CCDC30: variants seen among roughly 807,000 people sequenced by gnomAD.
CCDC30 encodes the protein coiled-coil domain-containing protein 30.
A neutral mutation model predicts 100.2 loss-of-function variants in CCDC30; 70 were observed. The ratio of observed to expected loss-of-function variants is 0.70; its 90% CI spans 0.58 to 0.85. CCDC30 has a LOEUF of 0.85. Ranked by LOEUF, CCDC30 falls within the 40% of genes least tolerant of loss-of-function variation. The probability of loss-of-function intolerance (pLI) is 0.00; values close to 1 mark genes in which losing one functional copy is unlikely to be tolerated. For missense variants in CCDC30, 652 were observed against 771.2 expected, an observed-to-expected ratio of 0.85 and a Z score of 1.83; for synonymous variants, 233 against 269.5, an observed-to-expected ratio of 0.86 and a Z score of 1.33.
rs1281422777 is a variant in CCDC30, at chr1:42,639,934, C to T, written c.1420-2539C>T. Among the ~76,000 whole-genome samples the T allele has an allele frequency of 3.0e-4, 44 of 148,846 alleles. 1 individual carries two copies. Among genetic ancestry groups the T allele is most frequent in the Admixed American group, 2.7e-4 (4 of 14,810 alleles). ...TGAGCCAAGATTGCACCATTGCACTCCAGCTTAGGTGAAAAGAGTGAAACT... is the reference window on the plus strand; with the variant it reads ...TGAGCCAAGATTGCACCATTGCACTTCAGCTTAGGTGAAAAGAGTGAAACT... On this transcript the variant is annotated intron_variant, in intron 12 of 16. Transcript: ENST00000668663.
intron 6 of CCDC30, among the ~76,000 whole-genome samples, chr1:42,509,845 A>T (rs545222930): frequency 6.6e-6 from 1 of 152,180 alleles, no homozygotes; most frequent in African/African-American, 2.4e-5. Flanking sequence ...CAGTTTGCAC[A>T]GAGAGAGAGA....
chr1:42,480,245 A>G (rs932031060), intron 1 of CCDC30, among the ~76,000 whole-genome samples: 1 of 152,180 alleles, frequency 6.6e-6, no homozygotes, highest in African/African-American at 2.4e-5. Context: ...CATTTTTGTT[A>G]GATTTATTCC....
intron 11 of CCDC30, among the ~76,000 whole-genome samples, chr1:42,626,068 T>C (rs1269175152): frequency 6.6e-6 from 1 of 152,188 alleles, no homozygotes; most frequent in Non-Finnish European, 1.5e-5. Flanking sequence ...ATAATTGTTA[T>C]ATCCTCTTGC....
chr1:42,597,632 CAA>C (rs58717290), intron 10 of CCDC30, among the ~76,000 whole-genome samples: 6 of 146,690 alleles, frequency 4.1e-5, no homozygotes, highest in Admixed American at 4.1e-4. Context: ...CCCATCCCTA[CAA>C]AAAAAAAAAG....
At chr1:42,552,553 A>G (rs559043722) in intron 6 of CCDC30, among the ~76,000 whole-genome samples, 221 of 152,270 alleles carry the variant, frequency 1.5e-3, no homozygotes, top group African/African-American at 5.1e-3. Context: ...TAAAGCACCA[A>G]TTCATGGATT....
At chr1:42,643,602 A>G (rs1647632925) in intron 13 of CCDC30, among the ~76,000 whole-genome samples, 1 of 152,218 alleles carries the variant, frequency 6.6e-6, no homozygotes, top group Non-Finnish European at 1.5e-5. Flanking sequence ...CCTACTGATG[A>G]CACAATCACC....
At chr1:42,543,275 C>CTT (rs10637500) in intron 6 of CCDC30, among the ~76,000 whole-genome samples, 33,823 of 143,358 alleles carry the variant, frequency 0.24, 4,220 homozygotes, top group South Asian at 0.42. Flanking sequence ...AACTGGCCTT[C>CTT]TTTTTTTTTT....
At chr1:42,574,657 A>G (rs1645797131) in intron 7 of CCDC30, among the ~76,000 whole-genome samples, 1 of 152,190 alleles carries the variant, frequency 6.6e-6, no homozygotes, top group African/African-American at 2.4e-5. Flanking sequence ...TAGAGTAAAT[A>G]TAGTATAGAG....
chr1:42,510,150 T>A, intron 6 of CCDC30: 1 of 975,320 alleles, frequency 1.0e-6, no homozygotes, highest in Non-Finnish European at 1.2e-6. Flanking sequence ...CAATTAGGGT[T>A]GTCAATAAGT....
chr1:42,551,795 T>C (rs2148544247), intron 6 of CCDC30, among the ~76,000 whole-genome samples: 1 of 148,972 alleles, frequency 6.7e-6, no homozygotes, highest in Non-Finnish European at 1.5e-5. Context: ...TGCTGTGTCA[T>C]CCAGGTTGGA....
chr1:42,465,062 C>T (rs1370555033), intron 1 of CCDC30, among the ~76,000 whole-genome samples: 1 of 152,144 alleles, frequency 6.6e-6, no homozygotes, highest in Non-Finnish European at 1.5e-5. Context: ...CTTTCCTTTC[C>T]TCTTCTAATA....
At chr1:42,523,381 T>C (rs967810297) in intron 6 of CCDC30, among the ~76,000 whole-genome samples, 1 of 152,186 alleles carries the variant, frequency 6.6e-6, no homozygotes, top group Non-Finnish European at 1.5e-5. Context: ...ACTGACAATT[T>C]TTTCCTGTTA....
At chr1:42,469,343 T>C (rs1213910700) in intron 1 of CCDC30, among the ~76,000 whole-genome samples, 1 of 152,136 alleles carries the variant, frequency 6.6e-6, no homozygotes, top group South Asian at 2.1e-4. Context: ...GGATATGGCA[T>C]TTTGAGTTCA....
intron 7 of CCDC30, among the ~76,000 whole-genome samples, chr1:42,574,500 T>A (rs1645794090): frequency 1.3e-5 from 2 of 152,170 alleles, no homozygotes; most frequent in South Asian, 4.1e-4. Context: ...TAATATTAGT[T>A]ACCTTTGCCT....
intron 6 of CCDC30, among the ~76,000 whole-genome samples, chr1:42,531,961 G>T (rs1644812501): frequency 6.6e-6 from 1 of 152,100 alleles, no homozygotes; most frequent in African/African-American, 2.4e-5. Flanking sequence ...TTTGTAAAAT[G>T]TGAAAGTCAA....
At chr1:42,555,717 C>T (rs1295069589) in intron 6 of CCDC30, among the ~76,000 whole-genome samples, 3 of 152,150 alleles carry the variant, frequency 2.0e-5, no homozygotes, top group Non-Finnish European at 4.4e-5. Flanking sequence ...GACACAGTCT[C>T]ACTCTGTCAC....
At chr1:42,538,921 A>G (rs907352135) in intron 6 of CCDC30, among the ~76,000 whole-genome samples, 1 of 152,272 alleles carries the variant, frequency 6.6e-6, no homozygotes, top group Non-Finnish European at 1.5e-5. Flanking sequence ...GAAGGACTCT[A>G]GAAACTAAAT....
At position 42,537,207 on chromosome 1, in the gene CCDC30, G is replaced by A. The variant is rs573758513; in HGVS notation, c.457-29089G>A. The A allele has an allele frequency of 1.3e-4, 61 of 456,170 alleles. 1 individual carries two copies. The highest frequency in any genetic ancestry group is 8.6e-4 in the African/African-American group (43 of 50,144). 28.3% of individuals were successfully genotyped at this position (456,170 alleles called of 1,614,324 possible). ...GTGTTCATAGAGTCATGGGCTTATCGCTCGTTTTAACTTCTTGTCCTGCCA... is the reference window on the plus strand; with the variant it reads ...GTGTTCATAGAGTCATGGGCTTATCACTCGTTTTAACTTCTTGTCCTGCCA... On this transcript the variant is annotated intron_variant, in intron 6 of 16. Coordinates refer to ENST00000668663, the Ensembl canonical transcript of CCDC30.
chr1:42,641,846 C>A (rs566395058), intron 12 of CCDC30, among the ~76,000 whole-genome samples: 221 of 151,770 alleles, frequency 1.5e-3, no homozygotes, highest in Non-Finnish European at 2.5e-3. Context: ...CAAAGCAAGA[C>A]TCCATGTCAA....
Sources: allele counts gnomAD v4.1 joint callset (sites outside exome capture counted in the v4.1 genomes callset), GRCh38; gene constraint gnomAD v4.1.1; transcripts MANE v1.5; gene names NCBI Gene and HGNC (gene_info 2026-07-23, HGNC 2026-07-21).